EQTN: variants seen among roughly 807,000 people sequenced by gnomAD.
EQTN encodes the protein equatorin.
EQTN carries 29 observed loss-of-function variants against 26.9 expected under a neutral mutation model. The observed-to-expected ratio is 1.08, with a 90% CI of 0.80 to 1.47. The LOEUF (loss-of-function observed/expected upper bound fraction) is 1.47. Ranked by LOEUF, EQTN falls within the 40% of genes most tolerant of loss-of-function variation. The pLI, the probability that EQTN is intolerant of heterozygous loss-of-function variation, is 0.00. For synonymous variants in EQTN, 129 were observed against 120.0 expected (o/e 1.07, Z -0.49); for missense variants, 391 against 346.1 (o/e 1.13, Z -1.03).
At position 27,294,296 on chromosome 9, in the gene EQTN, T is replaced by C; in HGVS notation, c.289+20A>G. 1 of 1,571,424 alleles carries C rather than the reference T, an allele frequency of 6.4e-7. No homozygotes were observed. Among genetic ancestry groups the C allele is most frequent in the African/African-American group, 1.3e-5 (1 of 74,182 alleles). ...GCTTTAATGGCTTTTACATGTGCAA[T>C]GGTGCCTTTCACTTCTTACCGTTTT... On this transcript the variant is annotated intron_variant, in intron 3 of 7. Transcript: ENST00000380032.
At chr9:27,295,709 G>A (rs1238256409) in intron 2 of EQTN, among the ~76,000 whole-genome samples, 1 of 151,734 alleles carries the variant, frequency 6.6e-6, no homozygotes, top group African/African-American at 2.4e-5. Flanking sequence ...GCGGGCGCCT[G>A]TAGTCCCAGC....
In EQTN at chr9:27,284,938, G is replaced by T. The variant is rs777947336; in HGVS notation, c.670C>A (p.Pro224Thr). 1 of 1,613,868 alleles carries T rather than the reference G, an allele frequency of 6.2e-7. No homozygotes were observed. Among genetic ancestry groups the T allele is most frequent in the Non-Finnish European group, 8.5e-7 (1 of 1,179,920 alleles). Residue 224 changes from proline (P) to threonine (T), a missense_variant, in exon 8 of 8, where the codon CCA becomes ACA. Physicochemically the swap from Pro to Thr is conservative, Grantham distance 38. Transcript: ENST00000380032. ...KSCESQYSVNPELATMSYFHP... is the reference protein window; with the variant it reads ...KSCESQYSVNTELATMSYFHP... ...AAGTAAGACATCGTGGCCAGCTCTG[G>T]GTTGACAGAGTACTGACTCTCACAA...
chr9:27,290,307 C>T (rs1434016225), intron 5 of EQTN, among the ~76,000 whole-genome samples: 1 of 131,042 alleles, frequency 7.6e-6, no homozygotes, highest in Non-Finnish European at 1.6e-5. Flanking sequence ...AGAATATTGC[C>T]TTGTTCTACT....
Position 27,292,481 on chromosome 9 carries a change from G to A in EQTN, c.296C>T (p.Thr99Ile), listed in dbSNP as rs1820256779. Reference protein sequence around the residue: ...DLNFALKNDKTVNATTYEKST... With the variant: ...DLNFALKNDKIVNATTYEKST... Reference sequence around the variant, plus strand: ...TTTTTCATATGTAGTTGCATTGACAGTTTTATCTAGGAAAAGGGAAAAAGA... The same window carrying A: ...TTTTTCATATGTAGTTGCATTGACAATTTTATCTAGGAAAAGGGAAAAAGA... Residue 99 changes from threonine (T) to isoleucine (I), a missense_variant, in exon 4 of 8, where the codon ACT (threonine) becomes ATT (isoleucine). Transcript: ENST00000380032. The A allele has an allele frequency of 3.1e-6, 5 of 1,594,036 alleles. No homozygotes were observed. In the African/African-American group the frequency reaches 4.0e-5, roughly 13 times the overall value.
chr9:27,290,239 A>G (rs7875399), intron 5 of EQTN, among the ~76,000 whole-genome samples: 52,479 of 151,978 alleles, frequency 0.35, 9,770 homozygotes, highest in African/African-American at 0.47. Context: ...AAAACGTGGC[A>G]TTAAGTGGGC....
Position 27,286,286 on chromosome 9 carries a change from G to T in EQTN, c.558C>A (p.Ile186=). Residue 186 remains isoleucine (I), a synonymous_variant, in exon 7 of 8, where the codon ATC becomes ATA. Coordinates refer to ENST00000380032, the MANE Select transcript of EQTN (RefSeq NM_020641.3). Reference sequence around the variant, plus strand: ...CAAAGAGGAGGAGGGTCATCAACGAGATTCCCAGCATTATTTTGATCTTCA... The same window carrying T: ...CAAAGAGGAGGAGGGTCATCAACGATATTCCCAGCATTATTTTGATCTTCA... ...EDLKIKIMLG[I]SLMTLLLFVV... 1.2e-6 allele frequency: 2 copies of T among 1,612,702 alleles called. No homozygotes were observed. The highest frequency in any genetic ancestry group is 1.7e-6 in the Non-Finnish European group (2 of 1,179,424).
chr9:27,294,319 T>C lies in EQTN; in HGVS notation c.286A>G (p.Asn96Asp). The C allele has an allele frequency of 1.2e-6, 2 of 1,608,108 alleles. No individual in the cohort carries two copies. Among genetic ancestry groups the C allele is most frequent in the East Asian group, 2.2e-5 (1 of 44,820 alleles). ...AATGGTGCCTTTCACTTCTTACCGT[T>C]TTTTAGAGCAAAATTCAGGTCAGTT... ...ATTDLNFALK[N>D]DKTVNATTYE... is the part of the protein sequence containing the mutation. The change falls in exon 3 of 8, where the codon AAC becomes GAC. Residue 96 changes from asparagine (N) to aspartate (D), a missense_variant. Physicochemically the swap from Asn to Asp is conservative, Grantham distance 23. Coordinates refer to ENST00000380032, the MANE Select transcript of EQTN (RefSeq NM_020641.3).
intron 1 of EQTN, 60 bp from the exon 2 acceptor site, chr9:27,296,798 T>C (rs1820354935): frequency 6.3e-7 from 1 of 1,579,464 alleles, no homozygotes; most frequent in South Asian, 1.2e-5. Context: ...TACTGCTTTC[T>C]TTTTCTAACT....
intron 7 of EQTN, 54 bp downstream of exon 7, chr9:27,286,155 G>C: frequency 6.5e-7 from 1 of 1,543,908 alleles, no homozygotes; most frequent in Non-Finnish European, 8.9e-7. Context: ...AGAGGAGGGA[G>C]AGAATGCGAT....
chr9:27,292,686 T>C (rs578084157), intron 3 of EQTN, among the ~76,000 whole-genome samples, 199 bp from the exon 4 acceptor site: 3 of 152,234 alleles, frequency 2.0e-5, no homozygotes, highest in African/African-American at 7.2e-5. Context: ...TTTGTGATCA[T>C]GGGGTGTCTG....
Position 27,296,669 on chromosome 9 carries a change from G to C in EQTN, c.146C>G (p.Pro49Arg). The change falls in exon 2 of 8, where the codon CCC (proline) becomes CGC (arginine). Residue 49 changes from proline to arginine, a missense_variant. Transcript: ENST00000380032. ...KQEEKNEDHTPNYAPANEKNG... is the reference protein window; with the variant it reads ...KQEEKNEDHTRNYAPANEKNG... Reference sequence around the variant, plus strand: ...TTTCTCATTAGCAGGAGCATAATTGGGAGTATGATCTTCATTCTTTTCTTC... The same window carrying C: ...TTTCTCATTAGCAGGAGCATAATTGCGAGTATGATCTTCATTCTTTTCTTC... 2 of 1,597,436 alleles carry C rather than the reference G, an allele frequency of 1.3e-6. No homozygotes were observed. Among genetic ancestry groups the C allele is most frequent in the Non-Finnish European group, 8.6e-7 (1 of 1,167,072 alleles).
chr9:27,294,791 G>C (rs955182764), intron 2 of EQTN, among the ~76,000 whole-genome samples: 2 of 152,142 alleles, frequency 1.3e-5, no homozygotes, highest in African/African-American at 4.8e-5. Context: ...TTAGACTATG[G>C]AATGAACACT....
Position 27,288,414 on chromosome 9 carries a change from C to T in EQTN, c.481+1258G>A, listed in dbSNP as rs375091683. Among the ~76,000 whole-genome samples, 13 of 152,200 alleles carry T rather than the reference C, an allele frequency of 8.5e-5. No individual in the cohort carries two copies. In the East Asian group the frequency reaches 1.9e-3, roughly 23 times the overall value. On this transcript the variant is annotated intron_variant, in intron 6 of 7. Coordinates refer to ENST00000380032, the MANE Select transcript of EQTN (RefSeq NM_020641.3). ...AGTTTCTTACAAAGATAACCACTCT[C>T]ATCTTCCCACCTTGCCCTCCCAAAG...
intron 5 of EQTN, 28 bp from the exon 6 acceptor site, chr9:27,289,759 AACAACGTTC>A: frequency 6.3e-7 from 1 of 1,578,804 alleles, no homozygotes; most frequent in East Asian, 2.3e-5. Context: ...GGTTATGGTA[AACAACGTTC>A]ACTTACTAAA....
At chr9:27,293,585 G>T (rs1321056276) in intron 3 of EQTN, among the ~76,000 whole-genome samples, 2 of 152,120 alleles carry the variant, frequency 1.3e-5, no homozygotes, top group Non-Finnish European at 2.9e-5. Context: ...AAAAGTGAGG[G>T]TTTCGCAGTC....
chr9:27,294,279 G>T, intron 3 of EQTN, 37 bp downstream of exon 3: 1 of 1,442,136 alleles, frequency 6.9e-7, no homozygotes, highest in Non-Finnish European at 9.7e-7. Context: ...CTGCTTTAAT[G>T]GCTTTTACAT....
intron 2 of EQTN, among the ~76,000 whole-genome samples, chr9:27,295,714 C>T (rs1354368584): frequency 1.3e-5 from 2 of 151,654 alleles, no homozygotes; most frequent in Non-Finnish European, 2.9e-5. Context: ...CGCCTGTAGT[C>T]CCAGCTACTC....
chr9:27,294,352 T>G lies in EQTN; in HGVS notation c.253A>C (p.Arg85=). ...PNGTESEISV[R]ATTDLNFALK... is the part of the protein sequence containing the mutation. Reference sequence around the variant, plus strand: ...GCAAAATTCAGGTCAGTTGTGGCTCTCACAGATATTTCAGACTCAGTGCCA... The same window carrying G: ...GCAAAATTCAGGTCAGTTGTGGCTCGCACAGATATTTCAGACTCAGTGCCA... The change falls in exon 3 of 8, where the codon AGA becomes CGA. Residue 85 remains arginine (R), a synonymous_variant. Coordinates refer to ENST00000380032, the MANE Select transcript of EQTN (RefSeq NM_020641.3). 4 of 1,611,576 alleles carry G rather than the reference T, an allele frequency of 2.5e-6. No individual in the cohort carries two copies. The highest frequency in any genetic ancestry group is 3.4e-6 in the Non-Finnish European group (4 of 1,178,400).
In EQTN at chr9:27,291,078, C is replaced by G. The variant is rs142967975; in HGVS notation, c.377-15G>C. ...TGGGGTTGATCCTGTTAAAACAAAA[C>G]AAAACACAACAAGAACAACAAGAAA... On this transcript the variant is annotated splice_polypyrimidine_tract_variant and intron_variant, in intron 4 of 7. Transcript: ENST00000380032. 6.3e-7 allele frequency: 1 copy of G among 1,597,208 alleles called. No homozygotes were observed. Among genetic ancestry groups the G allele is most frequent in the African/African-American group, 1.3e-5 (1 of 74,266 alleles).
Sources: gnomAD v4.1 joint callset for allele counts (sites outside exome capture counted in the v4.1 genomes callset) on GRCh38, gnomAD v4.1.1 for gene constraint, MANE v1.5 for transcripts, NCBI Gene and HGNC (gene_info 2026-07-23, HGNC 2026-07-21) for gene names.